The following MYT1L variants were observed in gnomAD, a reference collection of about 807,000 sequenced individuals.
MYT1L encodes the protein myelin transcription factor 1 like, also known as myelin transcription factor 1-like protein.
A neutral mutation model predicts 126.7 loss-of-function variants in MYT1L; 12 were observed. The observed-to-expected ratio is 0.09, with a 90% confidence interval of 0.06 to 0.15. MYT1L has a LOEUF of 0.15. Ranked by LOEUF, MYT1L falls within the 10% of genes least tolerant of loss-of-function variation. The pLI is 1.00. For synonymous variants in MYT1L, 541 were observed against 604.2 expected (o/e 0.90, Z 1.53); for missense variants, 979 against 1,585.2 (o/e 0.62, Z 6.49).
chr2:1,809,209 T>C, intron 21 of MYT1L, 42 bp from the exon 22 acceptor site: 2 of 1,582,830 alleles, frequency 1.3e-6, no homozygotes, highest in South Asian at 1.1e-5. Flanking sequence ...AACTGTCTAA[T>C]GTCCCAGCCC....
chr2:1,954,790 T>C (rs1208966314), intron 8 of MYT1L, among the ~76,000 whole-genome samples: 2 of 152,014 alleles, frequency 1.3e-5, no homozygotes, highest in Middle Eastern at 3.4e-3. Flanking sequence ...TCTGGCTGAG[T>C]GCAGTGGCTC....
At chr2:2,155,983 T>C (rs1051517853) in intron 3 of MYT1L, among the ~76,000 whole-genome samples, 5 of 152,138 alleles carry the variant, frequency 3.3e-5, no homozygotes, top group Non-Finnish European at 5.9e-5. Context: ...AGGGTCTTCA[T>C]AGTGACCCTA....
At chr2:2,263,488 A>G (rs1424089034) in intron 2 of MYT1L, among the ~76,000 whole-genome samples, 1 of 152,134 alleles carries the variant, frequency 6.6e-6, no homozygotes, top group Non-Finnish European at 1.5e-5. Context: ...TGTGAACTAT[A>G]TTCCTAAAAA....
chr2:1,943,012 C>T lies in MYT1L; in HGVS notation c.475G>A (p.Glu159Lys), dbSNP rs1327750109. The T allele has an allele frequency of 2.0e-6, 3 of 1,536,822 alleles. No individual in the cohort carries two copies. The highest frequency in any genetic ancestry group is 2.4e-5 in the South Asian group (2 of 83,176). ...VEDEEEEEEE[E>K]EEEEEEEENE... ...TCTTCTTCCTCTTCCTCCTCCTCCT[C>T]CTCCTCCTCTTCCTCTTCTTCATCC... Residue 159 changes from glutamate (E) to lysine (K), a missense_variant, in exon 9 of 25, where the codon GAG becomes AAG. This residue lies in a region of MYT1L where 243 missense variants were observed against 363.9 expected (regional missense o/e 0.67). Coordinates refer to ENST00000647738, the MANE Select transcript of MYT1L (RefSeq NM_001303052.2). This position sits in a 1 kb window ranked among gnomAD's most constrained non-coding sequence, Gnocchi z 4.4.
At chr2:1,997,534 C>T (rs540683626) in intron 4 of MYT1L, among the ~76,000 whole-genome samples, 187 bp from the exon 5 acceptor site, 17 of 152,338 alleles carry the variant, frequency 1.1e-4, no homozygotes, top group Non-Finnish European at 7.3e-5. Flanking sequence ...CTAGGCTTGA[C>T]GCCTGCTGTT....
intron 1 of MYT1L, among the ~76,000 whole-genome samples, chr2:2,304,968 A>T (rs764171051): frequency 2.6e-5 from 4 of 152,260 alleles, no homozygotes; most frequent in African/African-American, 9.6e-5. Flanking sequence ...TGTACAATAC[A>T]TACTTAGATT....
chr2:2,179,245 G>A (rs1418684337), intron 2 of MYT1L, among the ~76,000 whole-genome samples: 2 of 152,154 alleles, frequency 1.3e-5, no homozygotes, highest in African/African-American at 4.8e-5. Context: ...GCATCTCATT[G>A]AATCCAAAGC....
At chr2:2,246,101 T>C (rs1217475392) in intron 2 of MYT1L, among the ~76,000 whole-genome samples, 2 of 152,208 alleles carry the variant, frequency 1.3e-5, no homozygotes, top group Non-Finnish European at 2.9e-5. Context: ...AGGAAACTAA[T>C]ACAGGCTCGC....
intron 2 of MYT1L, among the ~76,000 whole-genome samples, chr2:2,261,268 T>G (rs567641319): frequency 6.6e-6 from 1 of 152,364 alleles, no homozygotes; most frequent in African/African-American, 2.4e-5. Flanking sequence ...ACCAGAAAAC[T>G]ACATTTCTAT....
chr2:2,092,593 TA>T (rs1192167369), intron 3 of MYT1L, among the ~76,000 whole-genome samples: 5 of 152,136 alleles, frequency 3.3e-5, no homozygotes, highest in Non-Finnish European at 7.4e-5. Context: ...CTGCAATTTA[TA>T]AAACATACAC....
At chr2:2,076,659 A>C (rs532063310) in intron 3 of MYT1L, among the ~76,000 whole-genome samples, 1 of 152,244 alleles carries the variant, frequency 6.6e-6, no homozygotes, top group African/African-American at 2.4e-5. Context: ...AAGGAAAACA[A>C]AACTAAACTA....
chr2:1,843,768 GC>G (rs1446848235), intron 19 of MYT1L, among the ~76,000 whole-genome samples: 1 of 152,178 alleles, frequency 6.6e-6, no homozygotes, highest in African/African-American at 2.4e-5. Context: ...GCTCCTGTAG[GC>G]CCTGCCCCCT....
chr2:2,155,590 T>C (rs1011288278), intron 3 of MYT1L, among the ~76,000 whole-genome samples: 2 of 152,190 alleles, frequency 1.3e-5, no homozygotes, highest in African/African-American at 4.8e-5. Context: ...CAGGTCTTGC[T>C]AAATTTAAAA....
chr2:2,014,527 T>C lies in MYT1L; in HGVS notation c.-157-17180A>G, dbSNP rs528156935. 7.0e-4 allele frequency among the ~76,000 whole-genome samples: 106 copies of C among 152,286 alleles called. 1 individual carries two copies. Among genetic ancestry groups the C allele is most frequent in the African/African-American group, 2.4e-3 (100 of 41,562 alleles). On this transcript the variant is annotated intron_variant, in intron 4 of 24. Transcript: ENST00000647738. ...TGCATGGAAGGTGAGGAGGTGTTTA[T>C]CCTCCTTCCTCTGCAGCAGGGAGCA...
chr2:1,947,767 G>A (rs778737253), intron 8 of MYT1L, among the ~76,000 whole-genome samples: 1 of 152,238 alleles, frequency 6.6e-6, no homozygotes, highest in Non-Finnish European at 1.5e-5. Context: ...TGGAGAAGGT[G>A]AGTGTGTGTG....
intron 19 of MYT1L, among the ~76,000 whole-genome samples, chr2:1,849,781 G>A (rs2042976063): frequency 1.3e-5 from 2 of 152,248 alleles, no homozygotes; most frequent in Admixed American, 1.3e-4. Context: ...CACAATGTGT[G>A]CTTTTCATAG....
intron 2 of MYT1L, among the ~76,000 whole-genome samples, chr2:2,237,706 C>A (rs1375800100): frequency 6.6e-6 from 1 of 152,128 alleles, no homozygotes; most frequent in Non-Finnish European, 1.5e-5. Context: ...GTCCCTAAGC[C>A]CCTGGATTGG....
At chr2:2,223,540 G>A (rs2093934695) in intron 2 of MYT1L, among the ~76,000 whole-genome samples, 1 of 152,192 alleles carries the variant, frequency 6.6e-6, no homozygotes, top group African/African-American at 2.4e-5. Context: ...GTACTGACGT[G>A]GTATTAGGCA....
chr2:1,985,877 C>T (rs565791201), intron 5 of MYT1L, among the ~76,000 whole-genome samples: 6 of 152,314 alleles, frequency 3.9e-5, no homozygotes, highest in African/African-American at 1.4e-4. Flanking sequence ...AAGGACACCA[C>T]ACCAGCCTGT....
Sources: allele counts gnomAD v4.1 joint callset (sites outside exome capture counted in the v4.1 genomes callset), GRCh38; gene constraint gnomAD v4.1.1; regional missense constraint gnomAD v4.1.1; non-coding constraint Gnocchi (gnomAD v3.1); transcripts MANE v1.5; gene names NCBI Gene and HGNC (gene_info 2026-07-23, HGNC 2026-07-21).